Variants in CADPS2 observed in about 807,000 individuals in gnomAD.
CADPS2 encodes the protein calcium dependent secretion activator 2.
A neutral mutation model predicts 172.5 loss-of-function variants in CADPS2; 93 were observed. That is an observed-to-expected ratio of 0.54 (90% CI 0.46 to 0.64). The LOEUF (loss-of-function observed/expected upper bound fraction) is 0.64. Ranked by LOEUF, CADPS2 falls within the 30% of genes least tolerant of loss-of-function variation. The pLI is 0.00. For synonymous variants in CADPS2, 546 were observed against 555.2 expected, an observed-to-expected ratio of 0.98 and a Z score of 0.23; for missense variants, 1,420 against 1,565.9, an observed-to-expected ratio of 0.91 and a Z score of 1.57.
chr7:122,614,180 G>A (rs1321756292), intron 6 of CADPS2, among the ~76,000 whole-genome samples: 8 of 152,038 alleles, frequency 5.3e-5, no homozygotes, highest in Non-Finnish European at 8.8e-5. Flanking sequence ...AACAGAGGGA[G>A]AAGGTGAGAT....
chr7:122,810,298 T>G (rs1191870316), intron 1 of CADPS2, among the ~76,000 whole-genome samples: 3 of 152,338 alleles, frequency 2.0e-5, no homozygotes, highest in Non-Finnish European at 2.9e-5. Flanking sequence ...CCTATTGACC[T>G]ACTTCCACCC....
At chr7:122,876,083 GGCTGAGGCGGGTGGAT>G (rs554516532) in intron 1 of CADPS2, among the ~76,000 whole-genome samples, 2 of 152,310 alleles carry the variant, frequency 1.3e-5, no homozygotes, top group East Asian at 3.9e-4. Context: ...CACTTTGGGA[GGCTGAGGCGGGTGGAT>G]CACTTGAGGT....
At chr7:122,871,198 T>A (rs534629563) in intron 1 of CADPS2, among the ~76,000 whole-genome samples, 2 of 150,774 alleles carry the variant, frequency 1.3e-5, no homozygotes, top group African/African-American at 4.9e-5. Context: ...AAAAAAAAAA[T>A]TACACCCTGG....
chr7:122,397,246 C>T (rs2045269648), intron 20 of CADPS2, among the ~76,000 whole-genome samples: 1 of 151,986 alleles, frequency 6.6e-6, no homozygotes, highest in Non-Finnish European at 1.5e-5. Context: ...ACCTATATTT[C>T]CTATGAACTA....
At chr7:122,571,124 AATAAT>A (rs1185048152) in intron 7 of CADPS2, among the ~76,000 whole-genome samples, 2 of 152,262 alleles carry the variant, frequency 1.3e-5, no homozygotes, top group East Asian at 3.9e-4. Flanking sequence ...AGAAGGTATA[AATAAT>A]ATGACCTTTC....
In CADPS2 at chr7:122,728,026, G is replaced by A. The variant is rs10259973; in HGVS notation, c.453+8929C>T. Among the ~76,000 whole-genome samples, 557 of 151,816 alleles carry A rather than the reference G, an allele frequency of 3.7e-3. 3 individuals carry two copies. The highest frequency in any genetic ancestry group is 0.013 in the African/African-American group (530 of 41,460). ...GCCTGCCAATCTTGGTTTACTTAGC[G>A]ATCAACAACTCACTACAAAAAAAAT... On this transcript the variant is annotated intron_variant, in intron 2 of 29. Coordinates refer to ENST00000449022, the MANE Select transcript of CADPS2 (RefSeq NM_017954.11).
intron 2 of CADPS2, among the ~76,000 whole-genome samples, chr7:122,703,214 A>G (rs2086450095): frequency 6.6e-6 from 1 of 152,162 alleles, no homozygotes. Context: ...ACCCAGCCAT[A>G]TAATGTTTTT....
intron 2 of CADPS2, among the ~76,000 whole-genome samples, chr7:122,696,791 G>T (rs2085176073): frequency 6.6e-6 from 1 of 152,032 alleles, no homozygotes; most frequent in Non-Finnish European, 1.5e-5. Flanking sequence ...GTATAATTGG[G>T]AAAAACAGTC....
intron 2 of CADPS2, among the ~76,000 whole-genome samples, chr7:122,701,437 T>G (rs890754115): frequency 4.6e-5 from 7 of 151,938 alleles, no homozygotes; most frequent in African/African-American, 1.7e-4. Context: ...CCGGGGCCTG[T>G]TGTGGGGTGG....
At chr7:122,774,044 T>C (rs1486932690) in intron 1 of CADPS2, among the ~76,000 whole-genome samples, 2 of 152,078 alleles carry the variant, frequency 1.3e-5, no homozygotes, top group Admixed American at 6.5e-5. Context: ...GAAAAATCAG[T>C]GTAGTTCAGA....
intron 5 of CADPS2, among the ~76,000 whole-genome samples, chr7:122,620,233 T>C (rs1343149094): frequency 6.6e-6 from 1 of 152,218 alleles, no homozygotes; most frequent in Non-Finnish European, 1.5e-5. Context: ...TAAGCCTCAA[T>C]ATAATTTTTG....
At chr7:122,438,486 G>T (rs776212129) in intron 16 of CADPS2, 22 bp from the exon 17 acceptor site, 53 of 1,611,460 alleles carry the variant, frequency 3.3e-5, no homozygotes, top group Non-Finnish European at 4.5e-5. Flanking sequence ...GGAAGTGGAA[G>T]GGTGAGGGGC....
At chr7:122,777,107 T>C (rs2093907595) in intron 1 of CADPS2, among the ~76,000 whole-genome samples, 1 of 152,146 alleles carries the variant, frequency 6.6e-6, no homozygotes, top group Admixed American at 6.5e-5. Flanking sequence ...GCTGTGATCA[T>C]GCCATTGCAC....
chr7:122,827,693 G>A (rs1805341721), intron 1 of CADPS2, among the ~76,000 whole-genome samples: 1 of 151,340 alleles, frequency 6.6e-6, no homozygotes, highest in African/African-American at 2.4e-5. Context: ...AATTTTTCCA[G>A]GATAAAAGGT....
chr7:122,441,988 T>C (rs2051417054), intron 15 of CADPS2, among the ~76,000 whole-genome samples: 1 of 152,218 alleles, frequency 6.6e-6, no homozygotes, highest in Admixed American at 6.5e-5. Flanking sequence ...TGGCCACATA[T>C]ACCACAGCAA....
chr7:122,475,742 G>A (rs1234951567), intron 12 of CADPS2, among the ~76,000 whole-genome samples: 1 of 152,114 alleles, frequency 6.6e-6, no homozygotes. Flanking sequence ...ACTAAAAAAT[G>A]ATACACAAAC....
chr7:122,680,505 G>A (rs2082906940), intron 2 of CADPS2, among the ~76,000 whole-genome samples: 1 of 152,186 alleles, frequency 6.6e-6, no homozygotes, highest in East Asian at 1.9e-4. Flanking sequence ...CCTGAGGTCA[G>A]GAGTTCGAGA....
intron 8 of CADPS2, among the ~76,000 whole-genome samples, chr7:122,552,682 T>C (rs896412938): frequency 6.6e-6 from 1 of 151,916 alleles, no homozygotes; most frequent in African/African-American, 2.4e-5. Context: ...CAGTCTTTGT[T>C]CTTGAGACAA....
intron 3 of CADPS2, among the ~76,000 whole-genome samples, chr7:122,656,168 C>A (rs2079756005): frequency 1.3e-5 from 2 of 152,108 alleles, no homozygotes; most frequent in African/African-American, 4.8e-5. Flanking sequence ...CCTGGAGCCA[C>A]AATCATAAAG....
Sources: allele counts gnomAD v4.1 joint callset (sites outside exome capture counted in the v4.1 genomes callset), GRCh38; gene constraint gnomAD v4.1.1; transcripts MANE v1.5; gene names NCBI Gene and HGNC (gene_info 2026-07-23, HGNC 2026-07-21).